Variants in METTL15 observed in about 807,000 individuals in gnomAD.
METTL15 encodes the protein 12S rRNA N(4)-cytidine methyltransferase METTL15.
In METTL15, 34 loss-of-function variants were observed where a neutral mutation model predicts 38.3. The ratio of observed to expected loss-of-function variants is 0.89; its 90% confidence interval spans 0.68 to 1.18. The LOEUF (loss-of-function observed/expected upper bound fraction) is 1.18. METTL15 is among the 50% of genes most tolerant of loss of function. The pLI is 0.00. For synonymous variants in METTL15, 162 were observed against 170.9 expected, an observed-to-expected ratio of 0.95 and a Z score of 0.41; for missense variants, 438 against 498.4, an observed-to-expected ratio of 0.88 and a Z score of 1.15.
intron 4 of METTL15, among the ~76,000 whole-genome samples, chr11:28,234,171 A>T (rs778866000): frequency 3.3e-5 from 5 of 152,120 alleles, no homozygotes; most frequent in Non-Finnish European, 7.3e-5. Flanking sequence ...TCCATGGTGT[A>T]TATGTGCCAC....
At chr11:28,143,949 C>T (rs1001433585) in intron 3 of METTL15, among the ~76,000 whole-genome samples, 2 of 152,222 alleles carry the variant, frequency 1.3e-5, no homozygotes, top group African/African-American at 2.4e-5. Flanking sequence ...CTTTGAAAAG[C>T]CTTTTTTGAC....
chr11:28,235,353 G>A (rs1346818921), intron 4 of METTL15, among the ~76,000 whole-genome samples: 1 of 151,968 alleles, frequency 6.6e-6, no homozygotes, highest in Non-Finnish European at 1.5e-5. Context: ...AAAGTCATTG[G>A]TAGCTTGATG....
At chr11:28,217,422 A>T (rs1852940704) in intron 4 of METTL15, among the ~76,000 whole-genome samples, 1 of 151,960 alleles carries the variant, frequency 6.6e-6, no homozygotes, top group Admixed American at 6.6e-5. Context: ...TTTTTCTTGT[A>T]AATTTGTTGG....
chr11:28,386,723 A>C (rs751876577), intron 5 of METTL15, among the ~76,000 whole-genome samples: 2 of 152,146 alleles, frequency 1.3e-5, no homozygotes, highest in African/African-American at 4.8e-5. Flanking sequence ...CCTAACAGAC[A>C]CATATATAAC....
At chr11:28,359,260 A>G (rs1381107375) in intron 4 of METTL15, among the ~76,000 whole-genome samples, 2 of 152,186 alleles carry the variant, frequency 1.3e-5, no homozygotes, top group Non-Finnish European at 2.9e-5. Flanking sequence ...CAAATGGCAT[A>G]ATGTCATTAT....
chr11:28,200,913 G>T (rs867765155), intron 3 of METTL15, among the ~76,000 whole-genome samples: 6 of 152,140 alleles, frequency 3.9e-5, no homozygotes, highest in Middle Eastern at 3.4e-3. Context: ...TCTCTTGCCT[G>T]ATTGCCCTGC....
chr11:28,283,100 T>C (rs1856117938), intron 4 of METTL15, among the ~76,000 whole-genome samples: 1 of 152,212 alleles, frequency 6.6e-6, no homozygotes, highest in African/African-American at 2.4e-5. Context: ...CTTTATTTAA[T>C]ACTATTGGTT....
chr11:28,402,772 G>A (rs1850641192), intron 5 of METTL15, among the ~76,000 whole-genome samples: 1 of 151,776 alleles, frequency 6.6e-6, no homozygotes, highest in South Asian at 2.1e-4. Flanking sequence ...GGCTTTTAAT[G>A]TAGCCATAGC....
rs369880306 is a variant in METTL15, at chr11:28,365,127, G to T, written c.*358+3091G>T. Among the ~76,000 whole-genome samples, 12 of 152,116 alleles carry T rather than the reference G, an allele frequency of 7.9e-5. No individual in the cohort carries two copies. In the East Asian group the frequency reaches 2.3e-3, roughly 29 times the overall value. On this transcript the variant is annotated intron_variant and NMD_transcript_variant, in intron 5 of 7. Coordinates refer to the METTL15 transcript ENST00000532947. Reference sequence around the variant, plus strand: ...ATATCTATTTTCATCAGGGATATTGGCCTGAAGTTTTCTTTTTTCATTGTG... The same window carrying T: ...ATATCTATTTTCATCAGGGATATTGTCCTGAAGTTTTCTTTTTTCATTGTG...
chr11:28,480,214 TCAA>T (rs1290875896), intron 6 of METTL15, among the ~76,000 whole-genome samples: 1 of 152,144 alleles, frequency 6.6e-6, no homozygotes, highest in Non-Finnish European at 1.5e-5. Flanking sequence ...GTATATATAC[TCAA>T]CAAAGCAATA....
chr11:28,132,484 G>C (rs759470525), intron 3 of METTL15, among the ~76,000 whole-genome samples: 1 of 150,256 alleles, frequency 6.7e-6, no homozygotes, highest in Non-Finnish European at 1.5e-5. Context: ...TTTTAAACTG[G>C]TTGAAAATAA....
chr11:28,195,918 G>A (rs1851891881), intron 3 of METTL15, among the ~76,000 whole-genome samples: 1 of 151,910 alleles, frequency 6.6e-6, no homozygotes, highest in South Asian at 2.1e-4. Context: ...TTTTCTATAT[G>A]TGGCTTTCCA....
At chr11:28,131,578 C>A (rs1849340473) in intron 3 of METTL15, among the ~76,000 whole-genome samples, 1 of 103,290 alleles carries the variant, frequency 9.7e-6, no homozygotes, top group East Asian at 3.0e-4. Context: ...ATGTTTATTT[C>A]TCTTATTTTT....
At chr11:28,188,974 A>G (rs781006699) in intron 3 of METTL15, among the ~76,000 whole-genome samples, 58 of 151,442 alleles carry the variant, frequency 3.8e-4, no homozygotes, top group Middle Eastern at 3.4e-3. Context: ...TAATGTTTAC[A>G]TTTGTAAAAT....
At chr11:28,211,286 A>G (rs1326218898) in intron 4 of METTL15, 88 bp downstream of exon 4, 48 of 1,238,238 alleles carry the variant, frequency 3.9e-5, no homozygotes, top group Non-Finnish European at 5.2e-5. Flanking sequence ...TCTGCTTTGC[A>G]TGGGCTATAT....
Position 28,324,842 on chromosome 11 carries a change from T to C in METTL15, c.779-5554T>C, listed in dbSNP as rs180701707. Reference sequence around the variant, plus strand: ...GTGGGTGGATAAGTAGAAAGAACAATCGGGGCCGTAGGCAGGTGAAAGATG... The same window carrying C: ...GTGGGTGGATAAGTAGAAAGAACAACCGGGGCCGTAGGCAGGTGAAAGATG... On this transcript the variant is annotated intron_variant, in intron 6 of 6. Coordinates refer to ENST00000407364, the MANE Select transcript of METTL15 (RefSeq NM_001113528.2). Among the ~76,000 whole-genome samples, 44 of 152,210 alleles carry C rather than the reference T, an allele frequency of 2.9e-4. No homozygotes were observed. The East Asian group carries it at 6.6e-3, about 23-fold the overall frequency.
intron 4 of METTL15, among the ~76,000 whole-genome samples, chr11:28,360,502 G>A (rs1850127585): frequency 6.6e-6 from 1 of 152,180 alleles, no homozygotes; most frequent in Admixed American, 6.5e-5. Context: ...GACAAGTAGT[G>A]GAGAAAGCTA....
At chr11:28,523,845 A>G (rs1347468593) in intron 6 of METTL15, among the ~76,000 whole-genome samples, 1 of 152,200 alleles carries the variant, frequency 6.6e-6, no homozygotes, top group Non-Finnish European at 1.5e-5. Flanking sequence ...TCAGTTATTA[A>G]TTGATGGGTG....
chr11:28,146,326 A>ACTG lies in METTL15; in HGVS notation c.270+32723_270+32725dup, dbSNP rs1292356531. Among the ~76,000 whole-genome samples the ACTG allele has an allele frequency of 2.0e-5, 3 of 152,132 alleles. No homozygotes were observed. In the South Asian group the frequency reaches 6.2e-4, roughly 32 times the overall value. ...AAAGTTTTGGTAGATGAGTCAGTGT[A>ACTG]CTGAGTCATAGGCAGCATGAAGCCT... On this transcript the variant is annotated intron_variant, in intron 3 of 6. Coordinates refer to ENST00000407364, the MANE Select transcript of METTL15 (RefSeq NM_001113528.2).
Sources: gnomAD v4.1 joint callset for allele counts (sites outside exome capture counted in the v4.1 genomes callset) on GRCh38, gnomAD v4.1.1 for gene constraint, MANE v1.5 for transcripts, NCBI Gene and HGNC (gene_info 2026-07-23, HGNC 2026-07-21) for gene names.